The following GABRB1 variants were observed in gnomAD, a reference collection of about 807,000 sequenced individuals.
GABRB1 encodes gamma-aminobutyric acid receptor subunit beta-1.
GABRB1 carries 17 observed loss-of-function variants against 51.6 expected under a neutral mutation model. That is an observed-to-expected ratio of 0.33 (90% CI 0.23 to 0.49). GABRB1 has a LOEUF of 0.49. GABRB1 is among the 20% of genes least tolerant of loss of function. GABRB1 has a pLI of 0.99. For missense variants in GABRB1, 410 were observed against 600.6 expected, an observed-to-expected ratio of 0.68 and a Z score of 3.32; for synonymous variants, 247 against 218.9, an observed-to-expected ratio of 1.13 and a Z score of -1.14.
intron 3 of GABRB1, among the ~76,000 whole-genome samples, chr4:47,153,857 A>G (rs142521643): frequency 0.011 from 1,710 of 152,194 alleles, 30 homozygotes; most frequent in African/African-American, 0.039. Flanking sequence ...AAAGAAGATT[A>G]TGTTCCCTGA....
At chr4:47,296,616 T>G (rs1170231157) in intron 4 of GABRB1, among the ~76,000 whole-genome samples, 1 of 152,176 alleles carries the variant, frequency 6.6e-6, no homozygotes, top group South Asian at 2.1e-4. Flanking sequence ...AAGCAAGTCC[T>G]TAGAGATGTA....
intron 3 of GABRB1, among the ~76,000 whole-genome samples, chr4:47,053,762 G>A (rs572557153): frequency 1.1e-4 from 17 of 152,238 alleles, no homozygotes; most frequent in African/African-American, 3.6e-4. Flanking sequence ...CCCAGCAACT[G>A]GAAAAATGAG....
chr4:47,381,064 C>T (rs932599035), intron 5 of GABRB1, among the ~76,000 whole-genome samples: 3 of 152,104 alleles, frequency 2.0e-5, no homozygotes, highest in Admixed American at 2.0e-4. Flanking sequence ...TAATTGCCAC[C>T]AGGAGAGCAG....
At chr4:47,369,312 C>T (rs958379848) in intron 5 of GABRB1, among the ~76,000 whole-genome samples, 1 of 151,998 alleles carries the variant, frequency 6.6e-6, no homozygotes, top group African/African-American at 2.4e-5. Flanking sequence ...ATCACAGTCC[C>T]GAGCTTCAGG....
intron 3 of GABRB1, among the ~76,000 whole-genome samples, chr4:47,126,556 G>A (rs949116806): frequency 6.6e-6 from 1 of 151,968 alleles, no homozygotes; most frequent in Non-Finnish European, 1.5e-5. Context: ...TATTTATCAA[G>A]TACACCTCAA....
intron 4 of GABRB1, among the ~76,000 whole-genome samples, chr4:47,220,290 A>G (rs745573826): frequency 2.0e-5 from 3 of 151,966 alleles, no homozygotes; most frequent in Non-Finnish European, 4.4e-5. Context: ...GTATATTATC[A>G]TAAGTTGGCA....
intron 1 of GABRB1, among the ~76,000 whole-genome samples, chr4:47,000,595 C>T (rs909635172): frequency 3.9e-5 from 6 of 152,136 alleles, no homozygotes; most frequent in Non-Finnish European, 8.8e-5. Context: ...GTGGCTGGGG[C>T]TGGCATAATT....
At chr4:47,176,673 A>C (rs1718716153) in intron 4 of GABRB1, among the ~76,000 whole-genome samples, 1 of 152,100 alleles carries the variant, frequency 6.6e-6, no homozygotes, top group Non-Finnish European at 1.5e-5. Context: ...AGCATAGATA[A>C]AATGGAGATG....
At position 47,038,914 on chromosome 4, in the gene GABRB1, T is replaced by C. The variant is rs113132607; in HGVS notation, c.240+6430T>C. ...TTATAGTTGACTAAATATTAGTACA[T>C]AGTTCATCCATAAACCATATGAGCA... On this transcript the variant is annotated intron_variant, in intron 3 of 8. Coordinates refer to ENST00000295454, the MANE Select transcript of GABRB1 (RefSeq NM_000812.4). 2.8e-3 allele frequency among the ~76,000 whole-genome samples: 434 copies of C among 152,288 alleles called. 3 individuals are homozygous for C. Among genetic ancestry groups the C allele is most frequent in the African/African-American group, 9.4e-3 (390 of 41,560 alleles).
chr4:47,092,165 CTTTT>C (rs869057256), intron 3 of GABRB1, among the ~76,000 whole-genome samples: 9 of 60,500 alleles, frequency 1.5e-4, no homozygotes, highest in East Asian at 5.2e-4. Context: ...TTCTTTCTTT[CTTTT>C]TTTTTTTTTT....
chr4:47,160,261 G>A (rs1038250255), intron 3 of GABRB1, among the ~76,000 whole-genome samples: 4 of 152,064 alleles, frequency 2.6e-5, no homozygotes, highest in Non-Finnish European at 2.9e-5. Flanking sequence ...TTTCAACTCT[G>A]AATTCAAACC....
intron 1 of GABRB1, among the ~76,000 whole-genome samples, chr4:47,004,723 A>G (rs185353119): frequency 2.1e-5 from 3 of 143,874 alleles, no homozygotes; most frequent in Admixed American, 6.7e-5. Flanking sequence ...AAAACAGATG[A>G]CACAGTCTCT....
At chr4:47,038,459 T>C (rs1386628354) in intron 3 of GABRB1, among the ~76,000 whole-genome samples, 1 of 152,194 alleles carries the variant, frequency 6.6e-6, no homozygotes, top group Non-Finnish European at 1.5e-5. Flanking sequence ...AGCTGTCCAT[T>C]GTATTTAAAC....
At chr4:47,305,691 A>G (rs543965653) in intron 4 of GABRB1, among the ~76,000 whole-genome samples, 48 of 152,298 alleles carry the variant, frequency 3.2e-4, no homozygotes, top group South Asian at 1.7e-3. Flanking sequence ...GATCCGTGTA[A>G]GTTGATGAAT....
At chr4:47,327,800 A>T (rs956870915) in intron 5 of GABRB1, among the ~76,000 whole-genome samples, 7 of 152,224 alleles carry the variant, frequency 4.6e-5, no homozygotes, top group East Asian at 1.9e-4. Context: ...AAATAAAATT[A>T]TTTTCTTGTC....
intron 4 of GABRB1, among the ~76,000 whole-genome samples, chr4:47,189,941 A>T (rs1220239399): frequency 6.6e-6 from 1 of 151,988 alleles, no homozygotes; most frequent in East Asian, 1.9e-4. Context: ...GAAGGCTCTC[A>T]CTAGTGTCCA....
intron 1 of GABRB1, among the ~76,000 whole-genome samples, chr4:46,997,288 ATAGT>A (rs1724029413): frequency 1.3e-5 from 2 of 152,034 alleles, no homozygotes; most frequent in Non-Finnish European, 2.9e-5. Flanking sequence ...ACCACCTTAC[ATAGT>A]TACCTTTTTG....
chr4:47,126,760 C>G (rs1438903862), intron 3 of GABRB1, among the ~76,000 whole-genome samples: 3 of 151,832 alleles, frequency 2.0e-5, no homozygotes, highest in African/African-American at 7.2e-5. Context: ...AATGGGTACA[C>G]AAATAGGTAA....
intron 4 of GABRB1, among the ~76,000 whole-genome samples, chr4:47,218,391 T>C (rs1352459017): frequency 6.6e-6 from 1 of 151,902 alleles, no homozygotes; most frequent in Non-Finnish European, 1.5e-5. Context: ...GTTCTATTTT[T>C]AGTTTTTTGA....
Sources: allele counts gnomAD v4.1 joint callset (sites outside exome capture counted in the v4.1 genomes callset), GRCh38; gene constraint gnomAD v4.1.1; transcripts MANE v1.5; gene names NCBI Gene and HGNC (gene_info 2026-07-23, HGNC 2026-07-21).